EPS8: variants seen among roughly 807,000 people sequenced by gnomAD.
The protein encoded by EPS8 is epidermal growth factor receptor kinase substrate 8.
EPS8 carries 42 observed loss-of-function variants against 103.8 expected under a neutral mutation model. The observed-to-expected ratio is 0.40, with a 90% CI of 0.32 to 0.52. The LOEUF (loss-of-function observed/expected upper bound fraction) is 0.52, where lower values mean the gene tolerates loss of function less well. EPS8 is among the 20% of genes least tolerant of loss of function. The pLI, the probability that EPS8 is intolerant of heterozygous loss-of-function variation, is 0.40. For missense variants in EPS8, 969 were observed against 1,005.1 expected (o/e 0.96, Z 0.49); for synonymous variants, 344 against 344.6 (o/e 1.00, Z 0.02).
intron 1 of EPS8, among the ~76,000 whole-genome samples, chr12:15,732,046 T>C (rs773173875): frequency 2.0e-5 from 3 of 152,172 alleles, no homozygotes; most frequent in Non-Finnish European, 4.4e-5. Flanking sequence ...TAGGTAAGTC[T>C]AAAGTGAAAC....
At chr12:15,712,711 G>A (rs2135962209) in intron 1 of EPS8, 1 of 251,014 alleles carries the variant, frequency 4.0e-6, no homozygotes, top group South Asian at 1.5e-4. Context: ...TACTAAATGG[G>A]AAGTTAAAAA....
At position 15,762,358 on chromosome 12, in the gene EPS8, C is replaced by A. The variant is rs950634100; in HGVS notation, c.-22+26803G>T. Among the ~76,000 whole-genome samples the A allele has an allele frequency of 6.6e-6, 1 of 152,184 alleles. No individual in the cohort carries two copies. The highest frequency in any genetic ancestry group is 1.5e-5 in the Non-Finnish European group (1 of 68,024). On this transcript the variant is annotated intron_variant, in intron 1 of 20. Coordinates refer to ENST00000281172, the MANE Select transcript of EPS8 (RefSeq NM_004447.6). This position sits in a 1 kb window ranked among gnomAD's most constrained non-coding sequence, Gnocchi z 4.8. ...GTGGCGATGTAAATTACTGCAACCGCTATGCAGAACAGTTTGGCGGTGCCT... is the reference window on the plus strand; with the variant it reads ...GTGGCGATGTAAATTACTGCAACCGATATGCAGAACAGTTTGGCGGTGCCT...
chr12:15,679,602 T>C (rs138313234), intron 3 of EPS8, among the ~76,000 whole-genome samples: 65 of 152,284 alleles, frequency 4.3e-4, no homozygotes, highest in Middle Eastern at 6.8e-3. Context: ...AAGAACACAA[T>C]ATAACTTTCA....
chr12:15,685,690 C>T (rs868620407), intron 1 of EPS8, among the ~76,000 whole-genome samples: 14 of 152,114 alleles, frequency 9.2e-5, no homozygotes, highest in East Asian at 3.8e-4. Flanking sequence ...CTTATCACGG[C>T]GGCTCATGTG....
At chr12:15,699,885 G>A (rs1946290340) in intron 1 of EPS8, among the ~76,000 whole-genome samples, 2 of 152,172 alleles carry the variant, frequency 1.3e-5, no homozygotes, top group African/African-American at 4.8e-5. Context: ...GCCAGGTGCG[G>A]TGGCTCACGC....
intron 8 of EPS8, among the ~76,000 whole-genome samples, chr12:15,663,695 C>T (rs978765551): frequency 5.9e-5 from 9 of 151,492 alleles, no homozygotes; most frequent in Admixed American, 1.3e-4. Flanking sequence ...GAGGCTGAGG[C>T]GGGAGGATCA....
intron 8 of EPS8, chr12:15,664,895 T>G (rs992795617): frequency 5.3e-5 from 8 of 152,192 alleles, no homozygotes; most frequent in Non-Finnish European, 1.2e-4. Flanking sequence ...CAGATTCTAG[T>G]AAAATATTCT....
In EPS8 at chr12:15,662,031, C is replaced by T. The variant is rs1034102746; in HGVS notation, c.805G>A (p.Asp269Asn). ...AAGGCGACTCCTGTACTTACCACATCTCTGTCAATGCGGGCTGCCATCATC... is the reference window on the plus strand; with the variant it reads ...AAGGCGACTCCTGTACTTACCACATTTCTGTCAATGCGGGCTGCCATCATC... ...PEMMAARIDR[D>N]VQILNHILDD... The change falls in exon 9 of 21, where the codon GAT becomes AAT. Residue 269 changes from aspartate to asparagine, a missense_variant. By Grantham distance (23) the Asp-to-Asn change is conservative. Coordinates refer to ENST00000281172, the MANE Select transcript of EPS8 (RefSeq NM_004447.6). 1.7e-5 allele frequency: 28 copies of T among 1,613,148 alleles called. No individual in the cohort carries two copies. In the Admixed American group the frequency reaches 3.7e-4, roughly 21 times the overall value.
chr12:15,639,783 G>T (rs1238072791), intron 17 of EPS8, among the ~76,000 whole-genome samples: 1 of 152,076 alleles, frequency 6.6e-6, no homozygotes, highest in Non-Finnish European at 1.5e-5. Context: ...CCTAGATCTG[G>T]CATAAAAATT....
chr12:15,652,949 TAAAG>T (rs985905404), intron 13 of EPS8, among the ~76,000 whole-genome samples: 3 of 152,118 alleles, frequency 2.0e-5, no homozygotes, highest in African/African-American at 7.2e-5. Context: ...AGTGGTGAAA[TAAAG>T]AAAAAGATTT....
rs184795395 is a variant in EPS8 at position 15,689,727 on chromosome 12, C to T, written c.-21-6755G>A. Among the ~76,000 whole-genome samples the T allele has an allele frequency of 2.7e-4, 41 of 152,248 alleles. 3 individuals carry two copies. Among genetic ancestry groups the T allele is most frequent in the African/African-American group, 9.6e-4 (40 of 41,554 alleles). On this transcript the variant is annotated intron_variant, in intron 1 of 20. Coordinates refer to ENST00000281172, the MANE Select transcript of EPS8 (RefSeq NM_004447.6). The stretch of plus-strand genomic sequence containing the variant: ...AGTCACTGTGCTGTGCAATTGGTCA[C>T]CAGAACTTATTTCTCCTAACTGAAA...
At position 15,749,751 on chromosome 12, in the gene EPS8, C is replaced by A. The variant is rs1260021671; in HGVS notation, c.-22+39410G>T. ...AATCAAATATAAAATTAAGTGATTA[C>A]ATGTTGAGATTATAGATATTTTCTT... is the stretch of plus-strand genomic sequence containing the variant. On this transcript the variant is annotated intron_variant, in intron 1 of 20. Transcript: ENST00000281172. The surrounding 1 kb of genome is among the most constrained non-coding windows in gnomAD (Gnocchi z 4.0). Among the ~76,000 whole-genome samples, 3 of 152,088 alleles carry A rather than the reference C, an allele frequency of 2.0e-5. No individual in the cohort carries two copies. The highest frequency in any genetic ancestry group is 6.6e-5 in the Admixed American group (1 of 15,266).
chr12:15,748,241 TA>T lies in EPS8; in HGVS notation c.-22+40919del, dbSNP rs1946895732. 6.6e-6 allele frequency among the ~76,000 whole-genome samples: 1 copy of T among 152,122 alleles called. No individual in the cohort carries two copies. Among genetic ancestry groups the T allele is most frequent in the South Asian group, 2.1e-4 (1 of 4,828 alleles). On this transcript the variant is annotated intron_variant, in intron 1 of 20. Transcript: ENST00000281172. This position sits in a 1 kb window ranked among gnomAD's most constrained non-coding sequence, Gnocchi z 4.8. ...GATCACTGAGAAGCAAATGATATAATAATGTAAAATGTTTTGAAAACTTCGA... is the reference window on the plus strand; with the variant it reads ...GATCACTGAGAAGCAAATGATATAATATGTAAAATGTTTTGAAAACTTCGA...
intron 1 of EPS8, among the ~76,000 whole-genome samples, chr12:15,783,166 G>A (rs1308768437): frequency 1.3e-5 from 2 of 152,092 alleles, no homozygotes; most frequent in African/African-American, 4.8e-5. Flanking sequence ...TTCAGAAAGA[G>A]GAGTCATCTG....
chr12:15,786,443 G>A (rs1264678354), intron 1 of EPS8, among the ~76,000 whole-genome samples: 3 of 152,164 alleles, frequency 2.0e-5, no homozygotes, highest in Non-Finnish European at 2.9e-5. Context: ...ACATTTAGTG[G>A]TGTCCTGGAT....
chr12:15,654,400 C>G, intron 12 of EPS8, 107 bp from the exon 13 acceptor site: 1 of 980,142 alleles, frequency 1.0e-6, no homozygotes, highest in Non-Finnish European at 1.6e-6. Flanking sequence ...TTTTAATAGT[C>G]ATATTAACTT....
chr12:15,739,334 C>T (rs983308106), intron 1 of EPS8, among the ~76,000 whole-genome samples: 9 of 152,292 alleles, frequency 5.9e-5, no homozygotes, highest in Non-Finnish European at 8.8e-5. Context: ...TGGGTGCCAA[C>T]TTCACTAAAT....
In EPS8 at chr12:15,672,697, G is replaced by A. The variant is rs184984647; in HGVS notation, c.137-1774C>T. 5.1e-4 allele frequency among the ~76,000 whole-genome samples: 78 copies of A among 152,310 alleles called. 1 individual carries two copies. In the East Asian group the frequency reaches 0.013, roughly 26 times the overall value. ...TATTAACACATCGATAATTGTCCCT[G>A]TGACAGCCGTTATGACTCTTGTAAT... On this transcript the variant is annotated intron_variant, in intron 3 of 20. Coordinates refer to ENST00000281172, the MANE Select transcript of EPS8 (RefSeq NM_004447.6).
rs4764225 is a variant in EPS8 at position 15,734,961 on chromosome 12, C to T, written c.-21-51989G>A. On this transcript the variant is annotated intron_variant, in intron 1 of 20. Coordinates refer to ENST00000281172, the MANE Select transcript of EPS8 (RefSeq NM_004447.6). The surrounding 1 kb of genome is among the most constrained non-coding windows in gnomAD (Gnocchi z 4.1). ...AAACTGACACAAAGATGTCAAGGAA[C>T]TAGGGTCACAACACTGAAGGGCATC... Among the ~76,000 whole-genome samples, 28 of 152,132 alleles carry T rather than the reference C, an allele frequency of 1.8e-4. No individual in the cohort carries two copies. Among genetic ancestry groups the T allele is most frequent in the African/African-American group, 6.0e-4 (25 of 41,420 alleles).
Sources: allele counts gnomAD v4.1 joint callset (sites outside exome capture counted in the v4.1 genomes callset), GRCh38; gene constraint gnomAD v4.1.1; non-coding constraint Gnocchi (gnomAD v3.1); transcripts MANE v1.5; gene names NCBI Gene and HGNC (gene_info 2026-07-23, HGNC 2026-07-21).